HCRTR2: variants seen among roughly 807,000 people sequenced by gnomAD.
HCRTR2 encodes the protein orexin receptor type 2.
HCRTR2 carries 22 observed loss-of-function variants against 49.0 expected under a neutral mutation model. The observed-to-expected ratio is 0.45, with a 90% CI of 0.32 to 0.64. The LOEUF is 0.64. Among genes scored for constraint, HCRTR2 ranks in the 30% least tolerant of loss-of-function variants. HCRTR2 has a pLI of 0.04. For synonymous variants in HCRTR2, 236 were observed against 205.3 expected (o/e 1.15, Z -1.28); for missense variants, 491 against 559.4 (o/e 0.88, Z 1.23).
At chr6:55,195,048 C>G (rs1049311406) in intron 1 of HCRTR2, among the ~76,000 whole-genome samples, 1 of 151,678 alleles carries the variant, frequency 6.6e-6, no homozygotes, top group Admixed American at 6.6e-5. Context: ...AAATGATCAC[C>G]AAACTTACCA....
intron 3 of HCRTR2, among the ~76,000 whole-genome samples, chr6:55,262,301 TC>T (rs1350239915): frequency 3.5e-5 from 5 of 142,912 alleles, no homozygotes. Flanking sequence ...AAATTCAGAT[TC>T]CCGACATAAT....
chr6:55,214,205 G>C (rs146415356), intron 1 of HCRTR2, among the ~76,000 whole-genome samples: 20 of 152,228 alleles, frequency 1.3e-4, no homozygotes, highest in African/African-American at 4.8e-4. Context: ...ACACACACTG[G>C]TACAGATAAG....
chr6:55,236,920 C>G (rs951987251), intron 1 of HCRTR2, among the ~76,000 whole-genome samples: 1 of 152,104 alleles, frequency 6.6e-6, no homozygotes, highest in African/African-American at 2.4e-5. Flanking sequence ...CATGCTACTT[C>G]TATACACACA....
rs1366534602 is a variant in HCRTR2, at chr6:55,242,379, C to A, written c.224-6260C>A. Among the ~76,000 whole-genome samples the A allele has an allele frequency of 3.0e-5, 4 of 132,530 alleles. No individual in the cohort carries two copies. In the East Asian group the frequency reaches 8.0e-4, roughly 26 times the overall value. 86.9% of individuals were successfully genotyped at this position (132,530 alleles called of 152,430 possible). A position where few individuals can be genotyped will look rare whatever the true frequency, so the allele number is the denominator to read the frequency against. On this transcript the variant is annotated intron_variant, in intron 1 of 6. Coordinates refer to ENST00000370862, the MANE Select transcript of HCRTR2 (RefSeq NM_001384272.1). The stretch of plus-strand genomic sequence containing the variant: ...TGTCTCCTTCCCCTCTTCTCCTAGC[C>A]CCTGGGGGAAAAAAAAATCTACTTT...
downstream of HCRTR2, among the ~76,000 whole-genome samples, chr6:55,283,843 A>G (rs548607419): frequency 2.6e-5 from 4 of 152,272 alleles, no homozygotes; most frequent in South Asian, 2.1e-4. Flanking sequence ...AAAGAGCCTA[A>G]TTATCCACAA....
At chr6:55,236,005 T>A (rs1326140658) in intron 1 of HCRTR2, among the ~76,000 whole-genome samples, 2 of 152,072 alleles carry the variant, frequency 1.3e-5, no homozygotes, top group African/African-American at 4.8e-5. Flanking sequence ...TATTTTTATA[T>A]AAATTTTGAA....
chr6:55,281,632 T>C (rs1194145114), intron 6 of HCRTR2, among the ~76,000 whole-genome samples: 1 of 152,210 alleles, frequency 6.6e-6, no homozygotes, highest in Non-Finnish European at 1.5e-5. Context: ...TTCATTCTCA[T>C]AGTTCTCCAA....
chr6:55,145,892 A>G (rs1418469849), intron 1 of HCRTR2, among the ~76,000 whole-genome samples: 1 of 151,900 alleles, frequency 6.6e-6, no homozygotes, highest in Non-Finnish European at 1.5e-5. Flanking sequence ...ATAATCCTAC[A>G]TTTCTACTCA....
intron 1 of HCRTR2, among the ~76,000 whole-genome samples, chr6:55,167,882 G>A (rs536288422): frequency 6.6e-6 from 1 of 152,252 alleles, no homozygotes; most frequent in Non-Finnish European, 1.5e-5. Context: ...GAAAGAGGAA[G>A]TGAATTAATA....
chr6:55,198,382 A>C (rs891138006), intron 1 of HCRTR2, among the ~76,000 whole-genome samples: 10 of 152,154 alleles, frequency 6.6e-5, no homozygotes, highest in African/African-American at 2.4e-4. Flanking sequence ...CCCTAGCTCT[A>C]AAATTAACCC....
At chr6:55,123,123 G>GTA (rs1373500583) in intron 1 of HCRTR2, among the ~76,000 whole-genome samples, 4 of 151,228 alleles carry the variant, frequency 2.6e-5, no homozygotes, top group Admixed American at 2.0e-4. Context: ...TAATAAAAAT[G>GTA]TATATATATA....
chr6:55,222,017 A>G (rs1765907668), intron 1 of HCRTR2, among the ~76,000 whole-genome samples: 1 of 152,190 alleles, frequency 6.6e-6, no homozygotes, highest in Non-Finnish European at 1.5e-5. Flanking sequence ...AACAGAGTGT[A>G]AAAGCAAACC....
Position 55,255,174 on chromosome 6 carries a change from T to C in HCRTR2, c.441T>C (p.Cys147=). ...CTGTGTCTGTCCTCACACTGAGCTG[T>C]ATCGCCTTGGATCGGTGGTATGCAA... The part of the protein sequence containing the change: ...SVSVSVLTLS[C]IALDRWYAIC... The change falls in exon 3 of 7, where the codon TGT becomes TGC. Residue 147 remains cysteine (C), a synonymous_variant. Coordinates refer to ENST00000370862, the MANE Select transcript of HCRTR2 (RefSeq NM_001384272.1). 6.2e-7 allele frequency: 1 copy of C among 1,614,018 alleles called. No homozygotes were observed. The highest frequency in any genetic ancestry group is 8.5e-7 in the Non-Finnish European group (1 of 1,179,926).
At chr6:55,227,928 G>A (rs530796842) in intron 1 of HCRTR2, among the ~76,000 whole-genome samples, 1 of 152,278 alleles carries the variant, frequency 6.6e-6, no homozygotes, top group Non-Finnish European at 1.5e-5. Flanking sequence ...CTAATAAGTA[G>A]TGTCATGGCA....
At chr6:55,166,956 C>CA (rs1561993147) in intron 1 of HCRTR2, among the ~76,000 whole-genome samples, 1 of 151,718 alleles carries the variant, frequency 6.6e-6, no homozygotes, top group Non-Finnish European at 1.5e-5. Context: ...CAAAACCCAA[C>CA]ATTTAAAGGA....
intron 1 of HCRTR2, among the ~76,000 whole-genome samples, chr6:55,235,278 G>C (rs62416795): frequency 0.17 from 26,275 of 151,944 alleles, 2,758 homozygotes; most frequent in Non-Finnish European, 0.24. Context: ...ACACTCTGCT[G>C]TAATTTGTCC....
At chr6:55,159,912 C>T (rs750129354) in intron 1 of HCRTR2, among the ~76,000 whole-genome samples, 7 of 152,224 alleles carry the variant, frequency 4.6e-5, no homozygotes, top group Non-Finnish European at 8.8e-5. Flanking sequence ...GGAAAACATT[C>T]TTCAGGATAT....
At chr6:55,158,175 G>T (rs1046537698) in intron 1 of HCRTR2, among the ~76,000 whole-genome samples, 3 of 152,126 alleles carry the variant, frequency 2.0e-5, no homozygotes, top group Non-Finnish European at 4.4e-5. Flanking sequence ...AGCTGGATGG[G>T]GTGTCACCTC....
At chr6:55,192,488 C>G (rs1162820023) in intron 1 of HCRTR2, among the ~76,000 whole-genome samples, 1 of 151,824 alleles carries the variant, frequency 6.6e-6, no homozygotes, top group African/African-American at 2.4e-5. Flanking sequence ...ACTTGGGAGG[C>G]TGAGGTGGGA....
Sources: gnomAD v4.1 joint callset for allele counts (sites outside exome capture counted in the v4.1 genomes callset) on GRCh38, gnomAD v4.1.1 for gene constraint, MANE v1.5 for transcripts, NCBI Gene and HGNC (gene_info 2026-07-23, HGNC 2026-07-21) for gene names.